PRKCI: variants seen among roughly 807,000 people sequenced by gnomAD.
PRKCI encodes the protein protein kinase C iota.
Under a neutral mutation model 84.0 loss-of-function variants are expected in PRKCI, and 43 were observed. The observed-to-expected ratio is 0.51, with a 90% CI of 0.40 to 0.66. The LOEUF (loss-of-function observed/expected upper bound fraction) is 0.66. Ranked by LOEUF, PRKCI falls within the 30% of genes least tolerant of loss-of-function variation. The probability of loss-of-function intolerance (pLI) is 0.00; values close to 1 mark genes in which losing one functional copy is unlikely to be tolerated. For synonymous variants in PRKCI, 216 were observed against 234.4 expected (o/e 0.92, Z 0.72); for missense variants, 459 against 745.6 (o/e 0.62, Z 4.48).
intron 8 of PRKCI, among the ~76,000 whole-genome samples, chr3:170,277,978 C>T (rs569555488): frequency 6.6e-6 from 1 of 152,194 alleles, no homozygotes; most frequent in South Asian, 2.1e-4. Flanking sequence ...TTAGTTTTTC[C>T]TTTAGTGAGC....
In PRKCI at chr3:170,222,714, AGGC is replaced by A. The variant is rs766369418; in HGVS notation, c.52_54del (p.Gly18del). On this transcript the variant is annotated inframe_deletion, in exon 1 of 18. Coordinates refer to ENST00000295797, the MANE Select transcript of PRKCI (RefSeq NM_002740.6). ...GCAGCACCATGTCCCACACGGTCGC[AGGC>A]GGCGGCAGCGGGGACCATTCCCACC... 3 of 1,607,022 alleles carry A rather than the reference AGGC, an allele frequency of 1.9e-6. No individual in the cohort carries two copies. The highest frequency in any genetic ancestry group is 2.5e-6 in the Non-Finnish European group (3 of 1,176,952).
intron 1 of PRKCI, among the ~76,000 whole-genome samples, chr3:170,225,961 G>A (rs1437846490): frequency 6.6e-6 from 1 of 151,814 alleles, no homozygotes; most frequent in Non-Finnish European, 1.5e-5. Context: ...CACCTGGGCT[G>A]GAGTGCAGTG....
At chr3:170,276,080 T>A (rs1171978022) in intron 8 of PRKCI, among the ~76,000 whole-genome samples, 1 of 151,838 alleles carries the variant, frequency 6.6e-6, no homozygotes, top group African/African-American at 2.4e-5. Context: ...ACTATAGCCC[T>A]GTGCCACCAC....
rs142994002 is a variant in PRKCI at position 170,233,585 on chromosome 3, T to C, written c.102-1645T>C. Among the ~76,000 whole-genome samples the C allele has an allele frequency of 3.5e-3, 532 of 152,364 alleles. 18 individuals are homozygous for C. The highest frequency in any genetic ancestry group is 0.029 in the Admixed American group (450 of 15,300). On this transcript the variant is annotated intron_variant, in intron 1 of 17. Transcript: ENST00000295797. ...AGGATCTGGTGATTGTGGAATGTTATGAACATAGTGGTTTCGCAATTACTG... is the reference window on the plus strand; with the variant it reads ...AGGATCTGGTGATTGTGGAATGTTACGAACATAGTGGTTTCGCAATTACTG...
chr3:170,245,949 G>GTTTTTTTTGTTTGTTTGTTTGT (rs769121904), intron 2 of PRKCI, among the ~76,000 whole-genome samples: 6 of 82,458 alleles, frequency 7.3e-5, no homozygotes, highest in African/African-American at 1.5e-4. Flanking sequence ...TTATGTCTTT[G>GTTTTTTTTGTTTGTTTGTTTGT]TTTTTTTTTT....
chr3:170,256,079 T>C (rs1271332830), intron 2 of PRKCI, among the ~76,000 whole-genome samples: 1 of 152,218 alleles, frequency 6.6e-6, no homozygotes, highest in Non-Finnish European at 1.5e-5. Context: ...GAATTCAGTT[T>C]GCTAGTGTTT....
At chr3:170,284,650 G>A (rs1734328646) in intron 12 of PRKCI, 54 bp downstream of exon 12, 1 of 1,526,112 alleles carries the variant, frequency 6.6e-7, no homozygotes. Context: ...AGTAGTCTTT[G>A]TAAAATAACT....
intron 6 of PRKCI, among the ~76,000 whole-genome samples, chr3:170,271,937 G>A (rs1011097781): frequency 4.6e-5 from 7 of 152,132 alleles, no homozygotes; most frequent in African/African-American, 1.7e-4. Context: ...AGGTTCAAGT[G>A]ATTCTCCTGC....
chr3:170,287,089 A>G (rs1734412962), intron 12 of PRKCI, among the ~76,000 whole-genome samples: 1 of 152,054 alleles, frequency 6.6e-6, no homozygotes, highest in South Asian at 2.1e-4. Flanking sequence ...AATCCCAGCA[A>G]TTTGGGAGGC....
At chr3:170,249,036 GACGGGGTTTC>G (rs1390305717) in intron 2 of PRKCI, among the ~76,000 whole-genome samples, 2 of 151,920 alleles carry the variant, frequency 1.3e-5, no homozygotes, top group African/African-American at 2.4e-5. Flanking sequence ...TTTCAGTAGA[GACGGGGTTTC>G]ACCATGTTAT....
chr3:170,266,226 TAAAGA>T (rs1733853844), intron 4 of PRKCI, among the ~76,000 whole-genome samples: 2 of 152,162 alleles, frequency 1.3e-5, no homozygotes, highest in African/African-American at 4.8e-5. Flanking sequence ...CATATTAATA[TAAAGA>T]CCACTGGATG....
chr3:170,237,228 A>T (rs1456112071), intron 2 of PRKCI, among the ~76,000 whole-genome samples: 2 of 152,232 alleles, frequency 1.3e-5, no homozygotes, highest in Admixed American at 1.3e-4. Flanking sequence ...TGAAGTATGA[A>T]TTGGCCTACA....
At chr3:170,245,662 T>C (rs1172669211) in intron 2 of PRKCI, among the ~76,000 whole-genome samples, 1 of 151,898 alleles carries the variant, frequency 6.6e-6, no homozygotes, top group African/African-American at 2.4e-5. Flanking sequence ...TGTTTTCTCC[T>C]TACTCTCACT....
At chr3:170,263,735 T>C (rs1461596883) in intron 4 of PRKCI, among the ~76,000 whole-genome samples, 1 of 151,972 alleles carries the variant, frequency 6.6e-6, no homozygotes, top group Non-Finnish European at 1.5e-5. Context: ...AGTTTGAGGC[T>C]ACAGTGAGCC....
At chr3:170,254,797 G>A (rs191787967) in intron 2 of PRKCI, among the ~76,000 whole-genome samples, 23 of 152,166 alleles carry the variant, frequency 1.5e-4, no homozygotes, top group African/African-American at 5.5e-4. Flanking sequence ...GCTAGCTTTG[G>A]CCATTCTGGG....
At chr3:170,293,714 G>A (rs1201459013) in intron 14 of PRKCI, among the ~76,000 whole-genome samples, 1 of 152,054 alleles carries the variant, frequency 6.6e-6, no homozygotes, top group East Asian at 1.9e-4. Context: ...GTGCAGGGGC[G>A]CAATCTCGGC....
intron 6 of PRKCI, among the ~76,000 whole-genome samples, chr3:170,271,377 C>T (rs566075352): frequency 1.6e-4 from 24 of 152,236 alleles, no homozygotes; most frequent in African/African-American, 5.5e-4. Context: ...GTATGTACCT[C>T]TAAAAGAGAA....
At chr3:170,226,321 C>T (rs1020174935) in intron 1 of PRKCI, among the ~76,000 whole-genome samples, 1 of 152,164 alleles carries the variant, frequency 6.6e-6, no homozygotes, top group African/African-American at 2.4e-5. Context: ...CCGTCTTTTC[C>T]TAGCAAGGAA....
chr3:170,235,354 G>C lies in PRKCI; in HGVS notation c.223+3G>C, dbSNP rs200321008. On this transcript the variant is annotated splice_donor_region_variant and intron_variant, in intron 2 of 17. Transcript: ENST00000295797. ...CATGAAATGGATAGATGAGGAAGGT[G>C]AGTGGTAAAGACAGGGCTGCCTGTG... 3.1e-6 allele frequency: 5 copies of C among 1,613,750 alleles called. No homozygotes were observed. Among genetic ancestry groups the C allele is most frequent in the Non-Finnish European group, 1.7e-6 (2 of 1,179,854 alleles).
Sources: allele counts gnomAD v4.1 joint callset (sites outside exome capture counted in the v4.1 genomes callset), GRCh38; gene constraint gnomAD v4.1.1; transcripts MANE v1.5; gene names NCBI Gene and HGNC (gene_info 2026-07-23, HGNC 2026-07-21).